The following ARID1B variants were observed in gnomAD, a reference collection of about 807,000 sequenced individuals.
ARID1B encodes AT-rich interaction domain 1B.
ARID1B carries 30 observed loss-of-function variants against 212.3 expected under a neutral mutation model. The ratio of observed to expected loss-of-function variants is 0.14; its 90% CI spans 0.11 to 0.19. The LOEUF is 0.19. Among genes scored for constraint, ARID1B ranks in the 10% least tolerant of loss-of-function variants. ARID1B has a pLI of 1.00. For missense variants in ARID1B, 2,891 were observed against 3,204.0 expected (o/e 0.90, Z 2.36); for synonymous variants, 1,402 against 1,301.7 (o/e 1.08, Z -1.66).
intron 1 of ARID1B, among the ~76,000 whole-genome samples, chr6:156,806,207 T>A (rs556332520): frequency 6.6e-6 from 1 of 152,176 alleles, no homozygotes; most frequent in Non-Finnish European, 1.5e-5. Flanking sequence ...CCTCAATAAG[T>A]GATAAACTCA....
At chr6:157,174,356 A>G (rs112530998) in intron 10 of ARID1B, 2 of 394,516 alleles carry the variant, frequency 5.1e-6, no homozygotes, top group Non-Finnish European at 9.1e-6. Flanking sequence ...GTGGAGGGAC[A>G]AGACCCACCT....
chr6:156,784,143 T>C (rs926897525), intron 1 of ARID1B, among the ~76,000 whole-genome samples: 1 of 152,072 alleles, frequency 6.6e-6, no homozygotes, highest in Non-Finnish European at 1.5e-5. Context: ...TTTTTGGGAT[T>C]GGGTGGTTTT....
chr6:157,030,916 G>A (rs564108873), intron 4 of ARID1B, among the ~76,000 whole-genome samples: 142 of 152,252 alleles, frequency 9.3e-4, no homozygotes, highest in African/African-American at 3.3e-3. Context: ...GCTACCGTGC[G>A]TGTTCTTTCC....
At chr6:157,167,352 T>C in intron 9 of ARID1B, 167 bp downstream of exon 9, 1 of 672,846 alleles carries the variant, frequency 1.5e-6, no homozygotes, top group Non-Finnish European at 2.3e-6. Flanking sequence ...TATTTAAGAC[T>C]TGAGAATTAC....
rs1204903826 is a variant in ARID1B, at chr6:156,778,370, G to A, written c.690G>A (p.Ala230=). 4 of 1,532,488 alleles carry A rather than the reference G, an allele frequency of 2.6e-6. No individual in the cohort carries two copies. The highest frequency in any genetic ancestry group is 2.5e-5 in the East Asian group (1 of 40,226). The allele number at this position is 1,532,488 out of a possible 1,614,324, so 94.9% of individuals were successfully genotyped here. A position where few individuals can be genotyped will look rare whatever the true frequency, so the allele number is the denominator to read the frequency against. Residue 230 remains alanine (A), a synonymous_variant, in exon 1 of 20, where the codon GCG becomes GCA. Coordinates refer to ENST00000636930, the MANE Select transcript of ARID1B (RefSeq NM_001374828.1). ...NNSLGGAGGG[A]PQPGPDMEQP... ...GCTTGGGCGGCGCGGGCGGCGGCGC[G>A]CCTCAGCCCGGCCCCGACATGGAGC... is the stretch of plus-strand genomic sequence containing the variant.
chr6:156,908,844 G>A (rs1789622096), intron 3 of ARID1B, among the ~76,000 whole-genome samples: 1 of 152,016 alleles, frequency 6.6e-6, no homozygotes, highest in African/African-American at 2.4e-5. Flanking sequence ...GTGCCTATGG[G>A]TACCAGTTAT....
intron 12 of ARID1B, among the ~76,000 whole-genome samples, chr6:157,181,781 C>A (rs1792558088): frequency 6.6e-6 from 1 of 152,138 alleles, no homozygotes. Context: ...AAGTCTCATA[C>A]CCCAGGCACC....
In ARID1B at chr6:156,839,869, T is replaced by C. The variant is rs78936839; in HGVS notation, c.1986+10448T>C. On this transcript the variant is annotated intron_variant, in intron 2 of 19. Coordinates refer to ENST00000636930, the MANE Select transcript of ARID1B (RefSeq NM_001374828.1). ...CACCAAGGTCTGGCAAGGAGCATCA[T>C]GCAGTGTGCTTACTTCCAAATCAAA... Among the ~76,000 whole-genome samples, 152 of 152,358 alleles carry C rather than the reference T, an allele frequency of 1.0e-3. 1 individual carries two copies. Among genetic ancestry groups the C allele is most frequent in the Middle Eastern group, 6.8e-3 (2 of 294 alleles).
intron 5 of ARID1B, among the ~76,000 whole-genome samples, chr6:157,103,672 T>A (rs1480962652): frequency 6.6e-6 from 1 of 152,160 alleles, no homozygotes; most frequent in African/African-American, 2.4e-5. Context: ...ATTTAGTTCT[T>A]AAAAGCTATT....
chr6:156,793,325 T>A (rs989268616), intron 1 of ARID1B, among the ~76,000 whole-genome samples: 6 of 152,030 alleles, frequency 3.9e-5, no homozygotes, highest in Non-Finnish European at 1.5e-5. Context: ...TGTCCGTGAG[T>A]CAGCAGCTGA....
intron 2 of ARID1B, among the ~76,000 whole-genome samples, chr6:156,843,855 C>A (rs972514295): frequency 6.6e-6 from 1 of 152,110 alleles, no homozygotes. Flanking sequence ...TGGGAGCAGA[C>A]ACGTACCAGG....
At chr6:156,779,916 G>A (rs1002958197) in intron 1 of ARID1B, among the ~76,000 whole-genome samples, 1 of 152,162 alleles carries the variant, frequency 6.6e-6, no homozygotes, top group African/African-American at 2.4e-5. Flanking sequence ...CTTTAACGGG[G>A]GAAAGAATGA....
chr6:157,034,385 T>C (rs1781191636), intron 4 of ARID1B, among the ~76,000 whole-genome samples: 1 of 152,258 alleles, frequency 6.6e-6, no homozygotes, highest in Non-Finnish European at 1.5e-5. Flanking sequence ...GTCTTCCCAG[T>C]ACAGTATCCA....
At chr6:156,891,908 T>C (rs550127547) in intron 2 of ARID1B, among the ~76,000 whole-genome samples, 1 of 150,898 alleles carries the variant, frequency 6.6e-6, no homozygotes. Context: ...GTCTCACACT[T>C]TCCCCCGGGC....
At chr6:157,147,764 C>T (rs1410047858) in intron 7 of ARID1B, among the ~76,000 whole-genome samples, 9 of 88,488 alleles carry the variant, frequency 1.0e-4, no homozygotes, top group African/African-American at 4.6e-4. Flanking sequence ...CTCCGTCCCT[C>T]ACCTCCGCCT....
intron 4 of ARID1B, among the ~76,000 whole-genome samples, chr6:156,967,874 T>C (rs561568645): frequency 1.2e-4 from 18 of 152,350 alleles, no homozygotes; most frequent in Non-Finnish European, 2.5e-4. Flanking sequence ...GTTCATTCAG[T>C]AGGGAGCCCA....
In ARID1B at chr6:157,007,026, G is replaced by A. The variant is rs116516786; in HGVS notation, c.2247+71450G>A. Reference sequence around the variant, plus strand: ...TCCCATCCTTTAACTTTGTAATTCTGCTTTTGAGAATCTTTCCTAAGGAAA... The same window carrying A: ...TCCCATCCTTTAACTTTGTAATTCTACTTTTGAGAATCTTTCCTAAGGAAA... On this transcript the variant is annotated intron_variant, in intron 4 of 19. Coordinates refer to ENST00000636930, the MANE Select transcript of ARID1B (RefSeq NM_001374828.1). Among the ~76,000 whole-genome samples the A allele has an allele frequency of 4.4e-3, 671 of 152,286 alleles. 5 individuals carry two copies. Among genetic ancestry groups the A allele is most frequent in the African/African-American group, 0.015 (640 of 41,558 alleles).
intron 2 of ARID1B, among the ~76,000 whole-genome samples, chr6:156,853,633 C>G (rs372325180): frequency 6.6e-6 from 1 of 152,176 alleles, no homozygotes; most frequent in Admixed American, 6.5e-5. Flanking sequence ...GCACAGTACT[C>G]TTTCCTATTT....
intron 4 of ARID1B, among the ~76,000 whole-genome samples, chr6:156,990,066 T>C (rs1562532091): frequency 6.6e-6 from 1 of 152,182 alleles, no homozygotes; most frequent in South Asian, 2.1e-4. Flanking sequence ...CCGGACTTAC[T>C]ATTTGGGGAG....
Sources: gnomAD v4.1 joint callset for allele counts (sites outside exome capture counted in the v4.1 genomes callset) on GRCh38, gnomAD v4.1.1 for gene constraint, MANE v1.5 for transcripts, NCBI Gene and HGNC (gene_info 2026-07-23, HGNC 2026-07-21) for gene names.